WWTR1: variants seen among roughly 807,000 people sequenced by gnomAD.
The protein encoded by WWTR1 is WW domain containing transcription regulator 1.
Under a neutral mutation model 40.1 loss-of-function variants are expected in WWTR1, and 13 were observed. The ratio of observed to expected loss-of-function variants is 0.32; its 90% CI spans 0.21 to 0.52. The LOEUF (loss-of-function observed/expected upper bound fraction) is 0.52. Ranked by LOEUF, WWTR1 falls within the 20% of genes least tolerant of loss-of-function variation. The probability of loss-of-function intolerance (pLI) is 0.97; values close to 1 mark genes in which losing one functional copy is unlikely to be tolerated. For missense variants in WWTR1, 436 were observed against 523.1 expected (o/e 0.83, Z 1.63); for synonymous variants, 230 against 210.1 (o/e 1.09, Z -0.82).
chr3:149,547,287 G>A (rs1192448126), intron 3 of WWTR1, among the ~76,000 whole-genome samples: 2 of 150,428 alleles, frequency 1.3e-5, no homozygotes, highest in South Asian at 2.1e-4. Flanking sequence ...CACTTTGGGA[G>A]GTCGAGGCAG....
chr3:149,709,835 C>T lies in WWTR1; in HGVS notation n.585-6507G>A, dbSNP rs1402238533. Among the ~76,000 whole-genome samples, 10 of 152,146 alleles carry T rather than the reference C, an allele frequency of 6.6e-5. No individual in the cohort carries two copies. The East Asian group carries it at 7.7e-4, about 12-fold the overall frequency. On this transcript the variant is annotated intron_variant and non_coding_transcript_variant, in intron 5 of 6. Transcript: ENST00000474080. The stretch of plus-strand genomic sequence containing the variant: ...GGGAGAACTGCTTGAACCTGGCAGG[C>T]GGAGGTTGCAGTGAGCTGAGATCAT...
chr3:149,565,063 C>T (rs1459559241), intron 3 of WWTR1, among the ~76,000 whole-genome samples: 2 of 151,974 alleles, frequency 1.3e-5, no homozygotes, highest in Non-Finnish European at 2.9e-5. Flanking sequence ...TGGTGGGCAC[C>T]TATAATCCCA....
In WWTR1 at chr3:149,552,324, G is replaced by A. The variant is rs916514024; in HGVS notation, c.569-9787C>T. Among the ~76,000 whole-genome samples, 19 of 151,804 alleles carry A rather than the reference G, an allele frequency of 1.3e-4. 3 individuals carry two copies. The highest frequency in any genetic ancestry group is 1.2e-3 in the Admixed American group (19 of 15,236). On this transcript the variant is annotated intron_variant, in intron 3 of 6. Transcript: ENST00000360632. Reference sequence around the variant, plus strand: ...ATTTCAAATCTGATTAAGGCACAGAGTAGGCACTAAATACATTCTCCCCAA... The same window carrying A: ...ATTTCAAATCTGATTAAGGCACAGAATAGGCACTAAATACATTCTCCCCAA...
intron 2 of WWTR1, among the ~76,000 whole-genome samples, chr3:149,645,763 T>C (rs191572636): frequency 2.1e-4 from 32 of 152,288 alleles, no homozygotes; most frequent in Admixed American, 5.9e-4. Flanking sequence ...TTCAGTATTT[T>C]AATATCTGCA....
intron 3 of WWTR1, among the ~76,000 whole-genome samples, chr3:149,549,595 T>C (rs144768499): frequency 6.6e-6 from 1 of 152,274 alleles, no homozygotes; most frequent in Non-Finnish European, 1.5e-5. Flanking sequence ...GCCAGCACTT[T>C]GGGAGGCCGA....
intron 2 of WWTR1, among the ~76,000 whole-genome samples, chr3:149,576,640 G>C (rs1737893430): frequency 6.6e-6 from 1 of 152,068 alleles, no homozygotes; most frequent in Admixed American, 6.5e-5. Context: ...TATGTGTATT[G>C]TATAAATACA....
chr3:149,721,614 C>A (rs1715759275), intron 4 of WWTR1, among the ~76,000 whole-genome samples: 1 of 152,212 alleles, frequency 6.6e-6, no homozygotes, highest in Non-Finnish European at 1.5e-5. Context: ...GTAATGCTGG[C>A]CTAATAGACT....
In WWTR1 at chr3:149,542,498, G is replaced by A; in HGVS notation, c.608C>T (p.Thr203Ile). Residue 203 changes from threonine (T) to isoleucine (I), a missense_variant, in exon 4 of 7, where the codon ACC (threonine) becomes ATC (isoleucine). Coordinates refer to ENST00000360632, the MANE Select transcript of WWTR1 (RefSeq NM_015472.6). The stretch of plus-strand genomic sequence containing the variant: ...AGTGGGGTGGTTCTGCTGGCTCAGG[G>A]TACTGGGGGCCATCTGCTGCTGGTG... Reference protein sequence around the residue: ...HQHQQQMAPSTLSQQNHPTQN... With the variant: ...HQHQQQMAPSILSQQNHPTQN... The A allele has an allele frequency of 6.2e-7, 1 of 1,613,452 alleles. No individual in the cohort carries two copies.
At chr3:149,555,721 T>TC (rs1172373553) in intron 3 of WWTR1, among the ~76,000 whole-genome samples, 1 of 152,194 alleles carries the variant, frequency 6.6e-6, no homozygotes, top group Non-Finnish European at 1.5e-5. Flanking sequence ...TGATTTTTTT[T>TC]CTTTCCAATG....
At chr3:149,604,859 A>T (rs1576591918) in intron 2 of WWTR1, among the ~76,000 whole-genome samples, 1 of 152,354 alleles carries the variant, frequency 6.6e-6, no homozygotes, top group African/African-American at 2.4e-5. Flanking sequence ...CCCACACAGA[A>T]GCTGAAGCCA....
chr3:149,517,785 G>T lies in WWTR1; in HGVS notation c.*3020C>A, dbSNP rs760892192. ...CTTAGATTTAACAGAATTGCAATTA[G>T]GTTTTGACAATGTATTTACTTCAAG... On this transcript the variant is annotated 3_prime_UTR_variant, in exon 7 of 7. Transcript: ENST00000360632. The T allele has an allele frequency of 1.3e-5, 2 of 152,110 alleles. No homozygotes were observed. The highest frequency in any genetic ancestry group is 2.4e-5 in the African/African-American group (1 of 41,426). The allele number at this position is 152,110 out of a possible 1,614,324, so 9.4% of individuals were successfully genotyped here.
intron 2 of WWTR1, among the ~76,000 whole-genome samples, chr3:149,614,225 G>C (rs367547702): frequency 2.0e-5 from 3 of 152,298 alleles, no homozygotes; most frequent in African/African-American, 7.2e-5. Flanking sequence ...ATAAGATCAT[G>C]ATGGAGCTAA....
intron 3 of WWTR1, among the ~76,000 whole-genome samples, chr3:149,553,864 A>G (rs915523733): frequency 6.6e-6 from 1 of 152,090 alleles, no homozygotes; most frequent in African/African-American, 2.4e-5. Flanking sequence ...CTGATGGAAA[A>G]CATATGTCTA....
rs188336079 is a variant in WWTR1 at position 149,675,003 on chromosome 3, A to G, written c.-107-5112T>C. Among the ~76,000 whole-genome samples the G allele has an allele frequency of 6.3e-4, 96 of 152,338 alleles. 1 individual carries two copies. The highest frequency in any genetic ancestry group is 2.1e-3 in the African/African-American group (89 of 41,582). On this transcript the variant is annotated intron_variant, in intron 1 of 7. Coordinates refer to the WWTR1 transcript ENST00000465804. ...AAATTGTGATGGAAAAAATGTGGGGAGACCAGTTGGTAAACTATCACAGCT... is the reference window on the plus strand; with the variant it reads ...AAATTGTGATGGAAAAAATGTGGGGGGACCAGTTGGTAAACTATCACAGCT...
intron 2 of WWTR1, among the ~76,000 whole-genome samples, chr3:149,584,240 C>T (rs1738299860): frequency 6.6e-6 from 1 of 152,184 alleles, no homozygotes; most frequent in African/African-American, 2.4e-5. Context: ...AATTAAATGT[C>T]ACTCATCCCA....
intron 2 of WWTR1, among the ~76,000 whole-genome samples, chr3:149,627,798 C>T (rs990486864): frequency 6.6e-6 from 1 of 152,152 alleles, no homozygotes; most frequent in Non-Finnish European, 1.5e-5. Flanking sequence ...ATTGGCCGGG[C>T]GCGGTGGCTC....
intron 1 of WWTR1, among the ~76,000 whole-genome samples, chr3:149,689,414 G>GA (rs3044082): frequency 0.36 from 38,933 of 109,336 alleles, 7,073 homozygotes; most frequent in Middle Eastern, 0.51. Context: ...AAAGAAGACA[G>GA]AAAAAAAAAA....
chr3:149,704,156 TA>T (rs1457768256), upstream of WWTR1, among the ~76,000 whole-genome samples: 2 of 152,104 alleles, frequency 1.3e-5, no homozygotes, highest in East Asian at 3.9e-4. Flanking sequence ...AATATCTTTT[TA>T]AAAATGCTGA....
chr3:149,685,930 C>CAA (rs1238659287), intron 1 of WWTR1, among the ~76,000 whole-genome samples: 1 of 152,146 alleles, frequency 6.6e-6, no homozygotes, highest in Non-Finnish European at 1.5e-5. Flanking sequence ...ATTTGACAGA[C>CAA]TGCTTAGTCC....
Sources: gnomAD v4.1 joint callset for allele counts (sites outside exome capture counted in the v4.1 genomes callset) on GRCh38, gnomAD v4.1.1 for gene constraint, MANE v1.5 for transcripts, NCBI Gene and HGNC (gene_info 2026-07-23, HGNC 2026-07-21) for gene names.